Variants in NCKAP5 observed in about 807,000 individuals in gnomAD.
NCKAP5 encodes NCK associated protein 5, also known as nck-associated protein 5.
In NCKAP5, 92 loss-of-function variants were observed where a neutral mutation model predicts 167.0. That is an observed-to-expected ratio of 0.55 (90% CI 0.47 to 0.66). The LOEUF (loss-of-function observed/expected upper bound fraction) is 0.66. NCKAP5 is among the 30% of genes least tolerant of loss of function. The pLI, the probability that NCKAP5 is intolerant of heterozygous loss-of-function variation, is 0.00. For synonymous variants in NCKAP5, 891 were observed against 877.4 expected (o/e 1.02, Z -0.27); for missense variants, 2,378 against 2,315.0 (o/e 1.03, Z -0.56).
chr2:133,569,538 A>G (rs1688780652), upstream of NCKAP5, among the ~76,000 whole-genome samples: 1 of 152,184 alleles, frequency 6.6e-6, no homozygotes, highest in Non-Finnish European at 1.5e-5. Context: ...GTTTATACCT[A>G]AATCACTTGC....
At chr2:133,210,203 T>TATAATATAAC (rs1159514107) in intron 5 of NCKAP5, among the ~76,000 whole-genome samples, 5 of 149,198 alleles carry the variant, frequency 3.4e-5, no homozygotes, top group East Asian at 1.9e-4. Flanking sequence ...TATAACATAA[T>TATAATATAAC]ATAATGTAAT....
chr2:132,786,427 C>T (rs1683573561), intron 13 of NCKAP5, among the ~76,000 whole-genome samples: 2 of 152,146 alleles, frequency 1.3e-5, no homozygotes, highest in African/African-American at 4.8e-5. Context: ...TCTTAAGTTA[C>T]TACACTCATA....
chr2:133,294,734 G>T (rs1040681698), intron 4 of NCKAP5, among the ~76,000 whole-genome samples: 4 of 152,154 alleles, frequency 2.6e-5, no homozygotes, highest in Non-Finnish European at 5.9e-5. Flanking sequence ...ATCATAAGGA[G>T]AATGAAAGCA....
chr2:132,963,861 C>T lies in NCKAP5; in HGVS notation c.438G>A (p.Leu146=), dbSNP rs372301214. Residue 146 remains leucine (L), a synonymous_variant, in exon 8 of 20, where the codon CTG becomes CTA. Coordinates refer to ENST00000409261, the MANE Select transcript of NCKAP5 (RefSeq NM_207363.3). ...CCTTATGTTTTCTCTCTTCCTCTGA[C>T]AGCTTTTCCTGAAGCAAGAAAGAAT... The part of the protein sequence containing the change: ...TVNIMVYQEK[L]SEEERKHKEA... The T allele has an allele frequency of 1.9e-6, 3 of 1,613,538 alleles. No individual in the cohort carries two copies. The highest frequency in any genetic ancestry group is 3.3e-5 in the Admixed American group (2 of 59,962).
At chr2:133,207,532 C>A (rs952931244) in intron 5 of NCKAP5, among the ~76,000 whole-genome samples, 5 of 152,104 alleles carry the variant, frequency 3.3e-5, no homozygotes, top group African/African-American at 1.2e-4. Flanking sequence ...TTAACAGGAA[C>A]CAGGTGACCT....
chr2:133,185,960 C>G (rs1318641169), intron 5 of NCKAP5, among the ~76,000 whole-genome samples: 2 of 152,032 alleles, frequency 1.3e-5, no homozygotes, highest in Non-Finnish European at 2.9e-5. Context: ...ATTTCTTTCT[C>G]TTGCCTGATT....
At chr2:133,330,559 T>C (rs766384789) in intron 3 of NCKAP5, among the ~76,000 whole-genome samples, 3 of 152,194 alleles carry the variant, frequency 2.0e-5, no homozygotes, top group South Asian at 2.1e-4. Flanking sequence ...TTATTTGATA[T>C]GTAACTTTCT....
At chr2:133,009,400 G>T (rs189556692) in intron 6 of NCKAP5, among the ~76,000 whole-genome samples, 3 of 150,048 alleles carry the variant, frequency 2.0e-5, no homozygotes, top group East Asian at 2.0e-4. Flanking sequence ...TGTGTAGATG[G>T]AAATTCCCTA....
chr2:132,858,765 T>C (rs1212073284), intron 11 of NCKAP5, among the ~76,000 whole-genome samples: 2 of 152,204 alleles, frequency 1.3e-5, no homozygotes, highest in African/African-American at 4.8e-5. Flanking sequence ...CTGATGTCTA[T>C]TGTTAGCATA....
intron 11 of NCKAP5, among the ~76,000 whole-genome samples, chr2:132,827,202 G>GTGATATATAT (rs1687188085): frequency 6.6e-6 from 1 of 152,086 alleles, no homozygotes; most frequent in Non-Finnish European, 1.5e-5. Flanking sequence ...CTCCTTAGAT[G>GTGATATATAT]TGATATATAT....
chr2:132,892,151 G>A (rs1439196707), intron 8 of NCKAP5, among the ~76,000 whole-genome samples: 1 of 152,120 alleles, frequency 6.6e-6, no homozygotes, highest in Admixed American at 6.6e-5. Flanking sequence ...CCTCTGGATT[G>A]GACAGTTTAA....
chr2:133,292,595 T>G (rs987714345), intron 4 of NCKAP5, among the ~76,000 whole-genome samples: 1 of 152,228 alleles, frequency 6.6e-6, no homozygotes, highest in Non-Finnish European at 1.5e-5. Flanking sequence ...TAAGCTAATG[T>G]CTTTAGATTA....
intron 19 of NCKAP5, among the ~76,000 whole-genome samples, chr2:132,703,856 C>T (rs984530119): frequency 3.3e-5 from 5 of 152,128 alleles, no homozygotes; most frequent in African/African-American, 1.2e-4. Context: ...ATGTTTGAAT[C>T]CCTAATAGTA....
At chr2:133,066,780 G>A (rs2080210896) in intron 6 of NCKAP5, among the ~76,000 whole-genome samples, 1 of 152,142 alleles carries the variant, frequency 6.6e-6, no homozygotes, top group Non-Finnish European at 1.5e-5. Flanking sequence ...GGGAAAGTCA[G>A]TAGGGAAAAG....
rs115951238 is a variant in NCKAP5 at position 133,237,093 on chromosome 2, T to G, written c.144-23314A>C. Among the ~76,000 whole-genome samples the G allele has an allele frequency of 5.0e-3, 762 of 150,902 alleles. 5 individuals carry two copies. Among genetic ancestry groups the G allele is most frequent in the African/African-American group, 0.018 (730 of 41,036 alleles). On this transcript the variant is annotated intron_variant, in intron 4 of 19. Coordinates refer to ENST00000409261, the MANE Select transcript of NCKAP5 (RefSeq NM_207363.3). ...TCTGTATCAAATTTAAAAAAAAGAG[T>G]AGAAACTCACCAAGAAATGCTCCTA... is the stretch of plus-strand genomic sequence containing the variant.
At chr2:133,345,789 C>T (rs556558349) in intron 3 of NCKAP5, among the ~76,000 whole-genome samples, 30 of 152,022 alleles carry the variant, frequency 2.0e-4, no homozygotes, top group African/African-American at 5.1e-4. Context: ...GATGGAGTAA[C>T]GCAAAAGATC....
chr2:132,680,175 A>G lies in NCKAP5; in HGVS notation c.5714-6870T>C, dbSNP rs12616342. ...TTTCTCCCGGTGCTCGGTTCCCTCT[A>G]TTACCTCAACTGGACACATTACTCT... On this transcript the variant is annotated intron_variant, in intron 19 of 19. Transcript: ENST00000409261. Among the ~76,000 whole-genome samples the G allele has an allele frequency of 7.9e-5, 12 of 152,134 alleles. 1 individual carries two copies. In the East Asian group the frequency reaches 1.9e-3, roughly 24 times the overall value.
chr2:133,596,701 G>A, the NCKAP5 span, among the ~76,000 whole-genome samples: 3 of 152,152 alleles, frequency 2.0e-5, no homozygotes, highest in Non-Finnish European at 4.4e-5. Flanking sequence ...CTTCAGACAC[G>A]GGTTGTGGGA....
chr2:133,253,340 A>ATAAG lies in NCKAP5; in HGVS notation c.144-39565_144-39562dup, dbSNP rs1448305958. On this transcript the variant is annotated intron_variant, in intron 4 of 19. Transcript: ENST00000409261. ...TAACTTACTTCATCAAACACTGATGATAAGCTTACAAAGAGCTTAAGGCAA... is the reference window on the plus strand; with the variant it reads ...TAACTTACTTCATCAAACACTGATGATAAGTAAGCTTACAAAGAGCTTAAGGCAA... Among the ~76,000 whole-genome samples, 5 of 152,368 alleles carry ATAAG rather than the reference A, an allele frequency of 3.3e-5. No homozygotes were observed. The South Asian group carries it at 1.0e-3, about 32-fold the overall frequency.
Sources: gnomAD v4.1 joint callset for allele counts (sites outside exome capture counted in the v4.1 genomes callset) on GRCh38, gnomAD v4.1.1 for gene constraint, MANE v1.5 for transcripts, NCBI Gene and HGNC (gene_info 2026-07-23, HGNC 2026-07-21) for gene names.